Variants in SUN5 observed in about 807,000 individuals in gnomAD.
SUN5 encodes Sad1 and UNC84 domain containing 5.
Under a neutral mutation model 53.7 loss-of-function variants are expected in SUN5, and 44 were observed. That is an observed-to-expected ratio of 0.82 (90% CI 0.64 to 1.05). The LOEUF is 1.05. Ranked by LOEUF, SUN5 falls within the 50% of genes least tolerant of loss-of-function variation. The pLI is 0.00. For missense variants in SUN5, 433 were observed against 483.8 expected, an observed-to-expected ratio of 0.90 and a Z score of 0.98; for synonymous variants, 166 against 179.8, an observed-to-expected ratio of 0.92 and a Z score of 0.62.
intron 8 of SUN5, among the ~76,000 whole-genome samples, chr20:32,991,911 C>T (rs941632417): frequency 6.6e-6 from 1 of 152,158 alleles, no homozygotes; most frequent in African/African-American, 2.4e-5. Context: ...ACAGGAAGCA[C>T]AGGAGAGGAG....
Position 33,004,171 on chromosome 20 carries a change from T to C in SUN5, c.77+93A>G. 2.9e-6 allele frequency: 4 copies of C among 1,362,680 alleles called. No homozygotes were observed. In the South Asian group the frequency reaches 6.1e-5, roughly 21 times the overall value. The allele number at this position is 1,362,680 out of a possible 1,614,324, so 84.4% of individuals were successfully genotyped here. On this transcript the variant is annotated intron_variant, in intron 1 of 12. Coordinates refer to ENST00000356173, the MANE Select transcript of SUN5 (RefSeq NM_080675.4). ...TGGTGGCTGTCTCTGTACAGTACAGTTGACAATGCCACTCATCTCCAAGGA... is the reference window on the plus strand; with the variant it reads ...TGGTGGCTGTCTCTGTACAGTACAGCTGACAATGCCACTCATCTCCAAGGA...
intron 12 of SUN5, 142 bp downstream of exon 12, chr20:32,984,957 C>T (rs2087506330): frequency 3.6e-6 from 3 of 831,980 alleles, no homozygotes. Context: ...CTCTCTGAGC[C>T]TCAGTTTCCT....
chr20:32,988,384 G>A (rs1206751811), intron 9 of SUN5, among the ~76,000 whole-genome samples: 1 of 152,016 alleles, frequency 6.6e-6, no homozygotes, highest in African/African-American at 2.4e-5. Context: ...GGCAGCCTGC[G>A]GCCCATACTT....
chr20:32,997,742 A>G, intron 5 of SUN5, 55 bp from the exon 6 acceptor site: 3 of 1,599,856 alleles, frequency 1.9e-6, no homozygotes, highest in Non-Finnish European at 2.6e-6. Flanking sequence ...TGAAGAGCCT[A>G]GGTGCTGGAG....
chr20:32,997,801 G>C, intron 5 of SUN5, 114 bp from the exon 6 acceptor site: 1 of 1,061,264 alleles, frequency 9.4e-7, no homozygotes, highest in East Asian at 2.4e-5. Flanking sequence ...CCAGCATTGT[G>C]CAACACTGGG....
intron 8 of SUN5, among the ~76,000 whole-genome samples, chr20:32,994,571 G>C (rs1004012388): frequency 3.6e-5 from 5 of 138,006 alleles, no homozygotes; most frequent in African/African-American, 1.3e-4. Context: ...AAAATCAAAT[G>C]TATATCCTAG....
At position 33,000,665 on chromosome 20, in the gene SUN5, T is replaced by C. The variant is rs1376881215; in HGVS notation, c.279-530A>G. Reference sequence around the variant, plus strand: ...TTTGAGACCAGCCTGGGCAACATGGTGAAACTCTGTCTCTACAAAAAATAC... The same window carrying C: ...TTTGAGACCAGCCTGGGCAACATGGCGAAACTCTGTCTCTACAAAAAATAC... On this transcript the variant is annotated intron_variant, in intron 4 of 12. Coordinates refer to ENST00000356173, the MANE Select transcript of SUN5 (RefSeq NM_080675.4). Among the ~76,000 whole-genome samples, 3 of 151,988 alleles carry C rather than the reference T, an allele frequency of 2.0e-5. No individual in the cohort carries two copies. The East Asian group carries it at 5.8e-4, about 30-fold the overall frequency.
intron 12 of SUN5, 72 bp from the exon 13 acceptor site, chr20:32,984,021 G>A (rs896770163): frequency 1.4e-6 from 2 of 1,428,544 alleles, no homozygotes; most frequent in Non-Finnish European, 1.8e-6. Flanking sequence ...GTGGGGAGTG[G>A]AAGGGAAGTT....
chr20:32,997,826 C>T (rs1030308515), intron 5 of SUN5, 139 bp from the exon 6 acceptor site: 28 of 754,148 alleles, frequency 3.7e-5, no homozygotes, highest in Non-Finnish European at 5.8e-5. Flanking sequence ...TTACTTAATG[C>T]TCTATGCCTC....
chr20:33,001,264 A>G lies in SUN5; in HGVS notation c.226T>C (p.Phe76Leu), dbSNP rs1320856386. The G allele has an allele frequency of 1.3e-6, 2 of 1,576,080 alleles. No individual in the cohort carries two copies. The highest frequency in any genetic ancestry group is 2.3e-5 in the South Asian group (2 of 86,158). ...GCCTGAGTTCTCAGGGAGCAGGCAAAACAGGTGAACCAGGCTGCACGGGAG... is the reference window on the plus strand; with the variant it reads ...GCCTGAGTTCTCAGGGAGCAGGCAAGACAGGTGAACCAGGCTGCACGGGAG... Reference protein sequence around the residue: ...MLGCVSWFTCFACSLRTQAQQ... With the variant: ...MLGCVSWFTCLACSLRTQAQQ... The change falls in exon 4 of 13, where the codon TTT becomes CTT. Residue 76 changes from phenylalanine (F) to leucine (L), a missense_variant. Physicochemically the swap from Phe to Leu is conservative, Grantham distance 22 (BLOSUM62 0). Transcript: ENST00000356173.
At position 32,985,090 on chromosome 20, in the gene SUN5, CG is replaced by C. The variant is rs774311741; in HGVS notation, c.984+8del. 680 of 1,614,014 alleles carry C rather than the reference CG, an allele frequency of 4.2e-4. 1 individual carries two copies. The highest frequency in any genetic ancestry group is 5.5e-4 in the Non-Finnish European group (644 of 1,179,914). ...CAGGTGCTCAGCACAGGCAGCTCTT[CG>C]CAGGTACCTGGAGTGGGAACATCTG... On this transcript the variant is annotated splice_region_variant and intron_variant, in intron 12 of 12. Coordinates refer to ENST00000356173, the MANE Select transcript of SUN5 (RefSeq NM_080675.4).
At position 32,987,712 on chromosome 20, in the gene SUN5, CAGT is replaced by C; in HGVS notation, c.674_676del (p.Tyr225del). ...GTAGTTCCACAGCTGGATCCAGTTCCAGTAGGAGTGGGCCTTCTCATGGTTATA... is the reference window on the plus strand; with the variant it reads ...GTAGTTCCACAGCTGGATCCAGTTCCAGGAGTGGGCCTTCTCATGGTTATA... On this transcript the variant is annotated inframe_deletion, in exon 10 of 13. Transcript: ENST00000356173. 6.2e-7 allele frequency: 1 copy of C among 1,613,584 alleles called. No individual in the cohort carries two copies. Among genetic ancestry groups the C allele is most frequent in the Non-Finnish European group, 8.5e-7 (1 of 1,179,890 alleles).
Position 33,002,904 on chromosome 20 carries a change from G to A in SUN5, c.93C>T (p.Gly31=). The stretch of plus-strand genomic sequence containing the variant: ...CCTCTGCCATCCTGCTGGTGTTCCG[G>A]CCTCGCTGGGCAATCCTGGGGATGA... ...NPRPRRIAQR[G]RNTSRMAEDT... Residue 31 remains glycine (G), a synonymous_variant, in exon 2 of 13, where the codon GGC becomes GGT. Transcript: ENST00000356173. 6.2e-7 allele frequency: 1 copy of A among 1,614,160 alleles called. No homozygotes were observed. Among genetic ancestry groups the A allele is most frequent in the Non-Finnish European group, 8.5e-7 (1 of 1,180,030 alleles).
At chr20:32,999,549 G>A (rs890860272) in intron 5 of SUN5, among the ~76,000 whole-genome samples, 48 of 152,034 alleles carry the variant, frequency 3.2e-4, no homozygotes, top group African/African-American at 1.1e-3. Flanking sequence ...CCGAGGTTGC[G>A]CCACTGCACT....
At chr20:33,002,360 C>T (rs992207831) in intron 3 of SUN5, among the ~76,000 whole-genome samples, 3 of 152,064 alleles carry the variant, frequency 2.0e-5, no homozygotes, top group Non-Finnish European at 4.4e-5. Flanking sequence ...GCAGTTAACT[C>T]CTCCTCCAGA....
intron 1 of SUN5, among the ~76,000 whole-genome samples, chr20:33,003,411 C>T (rs1280953479): frequency 1.3e-5 from 2 of 152,114 alleles, no homozygotes; most frequent in African/African-American, 4.8e-5. Context: ...CCCCTAGACG[C>T]CACATTTCTG....
chr20:32,985,710 A>G, intron 11 of SUN5, 26 bp downstream of exon 11: 2 of 1,612,186 alleles, frequency 1.2e-6, no homozygotes, highest in South Asian at 2.2e-5. Context: ...TTAGCTAAGC[A>G]TAGCTCCCTG....
At position 32,987,763 on chromosome 20, in the gene SUN5, T is replaced by C. The variant is rs988827560; in HGVS notation, c.626A>G (p.Asp209Gly). 6.2e-7 allele frequency: 1 copy of C among 1,612,410 alleles called. No individual in the cohort carries two copies. Among genetic ancestry groups the C allele is most frequent in the Non-Finnish European group, 8.5e-7 (1 of 1,179,436 alleles). ...FALKSIGASI[D>G]FEHTSVTYNH... The stretch of plus-strand genomic sequence containing the variant: ...ATAGGTGACTGACGTGTGCTCAAAG[T>C]CAATGCTGGCCCCTGTATAGGAGAA... The change falls in exon 10 of 13, where the codon GAC (aspartate) becomes GGC (glycine). Residue 209 changes from aspartate to glycine, a missense_variant. Physicochemically the swap from Asp to Gly is moderately conservative, Grantham distance 94. Coordinates refer to ENST00000356173, the MANE Select transcript of SUN5 (RefSeq NM_080675.4).
chr20:33,000,634 C>A (rs1057409955), intron 4 of SUN5, among the ~76,000 whole-genome samples: 9 of 152,228 alleles, frequency 5.9e-5, no homozygotes, highest in Non-Finnish European at 1.3e-4. Flanking sequence ...GGGAGGATCA[C>A]TGGAGTTTGA....
Sources: gnomAD v4.1 joint callset for allele counts (sites outside exome capture counted in the v4.1 genomes callset) on GRCh38, gnomAD v4.1.1 for gene constraint, MANE v1.5 for transcripts, NCBI Gene and HGNC (gene_info 2026-07-23, HGNC 2026-07-21) for gene names.